The following PTK7 variants were observed in gnomAD, a reference collection of about 807,000 sequenced individuals.
PTK7 encodes the protein protein tyrosine kinase 7 (inactive), also known as inactive tyrosine-protein kinase 7.
In PTK7, 39 loss-of-function variants were observed where a neutral mutation model predicts 116.6. The observed-to-expected ratio is 0.33, with a 90% CI of 0.26 to 0.44. PTK7 has a LOEUF of 0.44. PTK7 is among the 20% of genes least tolerant of loss of function. The pLI is 1.00. For missense variants in PTK7, 1,169 were observed against 1,425.6 expected (o/e 0.82, Z 2.90); for synonymous variants, 546 against 563.6 (o/e 0.97, Z 0.44).
intron 1 of PTK7, among the ~76,000 whole-genome samples, chr6:43,103,932 C>T (rs1413045711): frequency 2.6e-5 from 4 of 152,160 alleles, no homozygotes; most frequent in African/African-American, 7.2e-5. Context: ...AGTCTGCACC[C>T]GGGGTGAAAA....
chr6:43,160,986 GC>G lies in PTK7; in HGVS notation c.*108del. ...TGTCCTCCTGGGCCCTGAGGCCCCT[GC>G]CCTAGTGCAACAGGCATTGCTGAGG... On this transcript the variant is annotated 3_prime_UTR_variant, in exon 20 of 20. Transcript: ENST00000230419. The G allele has an allele frequency of 7.0e-7, 1 of 1,423,592 alleles. No individual in the cohort carries two copies. Among genetic ancestry groups the G allele is most frequent in the South Asian group, 1.4e-5 (1 of 73,544 alleles). 88.2% of individuals were successfully genotyped at this position (1,423,592 alleles called of 1,614,324 possible).
At chr6:43,087,348 A>G (rs1293489116) in intron 1 of PTK7, among the ~76,000 whole-genome samples, 1 of 152,168 alleles carries the variant, frequency 6.6e-6, no homozygotes, top group Non-Finnish European at 1.5e-5. Flanking sequence ...TGGGCCGCAG[A>G]GTTTATTTCA....
In PTK7 at chr6:43,144,467, C is replaced by CTT; in HGVS notation, c.2268_2269insTT (p.Gly757LeufsTer14). The CTT allele has an allele frequency of 6.2e-7, 1 of 1,614,102 alleles. No individual in the cohort carries two copies. The highest frequency in any genetic ancestry group is 1.3e-5 in the African/African-American group (1 of 75,042). On this transcript the variant is annotated frameshift_variant, in exon 15 of 20. Transcript: ENST00000230419. LOFTEE classifies it high-confidence loss of function. ...CCTTCCCAGGTGGGCCTTTGCAGAA[C>CTT]GGGCAGCCCTCAGCAGAGATCCAAG...
chr6:43,094,233 C>G (rs1320927856), intron 1 of PTK7, among the ~76,000 whole-genome samples: 2 of 152,184 alleles, frequency 1.3e-5, no homozygotes, highest in African/African-American at 4.8e-5. Context: ...GCTTTCATTT[C>G]AATTTAGTTG....
intron 1 of PTK7, among the ~76,000 whole-genome samples, chr6:43,110,937 C>T (rs1398080165): frequency 2.0e-5 from 3 of 152,180 alleles, no homozygotes; most frequent in African/African-American, 7.2e-5. Flanking sequence ...TAATAGTGAT[C>T]TCTAGGCATT....
At chr6:43,128,310 G>T (rs1769421475) in intron 1 of PTK7, among the ~76,000 whole-genome samples, 1 of 152,158 alleles carries the variant, frequency 6.6e-6, no homozygotes, top group Non-Finnish European at 1.5e-5. Context: ...AAGCCTCCCT[G>T]TGCAGCCAGC....
chr6:43,158,730 G>A, intron 17 of PTK7, 87 bp from the exon 18 acceptor site: 2 of 1,425,798 alleles, frequency 1.4e-6, no homozygotes, highest in Non-Finnish European at 1.9e-6. Flanking sequence ...CACCAATAGT[G>A]TTGAAACGCT....
At chr6:43,096,747 C>T (rs368696371) in intron 1 of PTK7, among the ~76,000 whole-genome samples, 8 of 152,354 alleles carry the variant, frequency 5.3e-5, no homozygotes, top group African/African-American at 1.4e-4. Flanking sequence ...AGCCTGCCTG[C>T]CTGTCCGGTA....
chr6:43,159,657 A>ATGTCTGT (rs1461141819), intron 18 of PTK7, 131 bp from the exon 19 acceptor site: 1 of 908,040 alleles, frequency 1.1e-6, no homozygotes, highest in Admixed American at 2.0e-5. Context: ...GCATGTGACC[A>ATGTCTGT]ATTTCTTGAT....
At chr6:43,096,098 C>T (rs960148118) in intron 1 of PTK7, among the ~76,000 whole-genome samples, 2 of 152,164 alleles carry the variant, frequency 1.3e-5, no homozygotes, top group Non-Finnish European at 2.9e-5. Flanking sequence ...CTGTGGGTCT[C>T]CCGCCAGCGG....
At position 43,145,289 on chromosome 6, in the gene PTK7, C is replaced by CAG. The variant is rs1190157764; in HGVS notation, c.2500_2501dup (p.Ser834ArgfsTer21). 1.2e-6 allele frequency: 2 copies of CAG among 1,614,022 alleles called. No homozygotes were observed. Among genetic ancestry groups the CAG allele is most frequent in the Non-Finnish European group, 1.7e-6 (2 of 1,179,938 alleles). On this transcript the variant is annotated frameshift_variant, in exon 16 of 20. Coordinates refer to ENST00000230419, the MANE Select transcript of PTK7 (RefSeq NM_002821.5). LOFTEE classifies it high-confidence loss of function. The surrounding 1 kb of genome is among the most constrained non-coding windows in gnomAD (Gnocchi z 4.8). ...GACCCTGGTACTTGTGAAGAGCCTG[C>CAG]AGAGCAAGGATGAGCAGCAGCAGCT...
intron 1 of PTK7, among the ~76,000 whole-genome samples, chr6:43,110,142 G>A (rs1158239435): frequency 2.0e-5 from 3 of 150,712 alleles, no homozygotes; most frequent in South Asian, 2.1e-4. Flanking sequence ...GATTACAGGC[G>A]CGCAACACCA....
intron 1 of PTK7, among the ~76,000 whole-genome samples, chr6:43,080,858 C>G (rs528396489): frequency 1.3e-5 from 2 of 152,094 alleles, no homozygotes; most frequent in Non-Finnish European, 2.9e-5. Context: ...AGGAGAATCA[C>G]TTGAACCCGG....
intron 1 of PTK7, among the ~76,000 whole-genome samples, chr6:43,094,724 C>T (rs550870998): frequency 1.3e-5 from 2 of 152,040 alleles, no homozygotes; most frequent in African/African-American, 4.8e-5. Context: ...GTCATCCGCC[C>T]GTCTCTGTCT....
rs1375263846 is a variant in PTK7 at position 43,143,320 on chromosome 6, T to A, written c.2048-97T>A. The A allele has an allele frequency of 1.6e-6, 2 of 1,253,010 alleles. No homozygotes were observed. The highest frequency in any genetic ancestry group is 3.0e-5 in the African/African-American group (2 of 66,420). 77.6% of individuals were successfully genotyped at this position (1,253,010 alleles called of 1,614,324 possible). A position where few individuals can be genotyped will look rare whatever the true frequency, so the allele number is the denominator to read the frequency against. On this transcript the variant is annotated intron_variant, in intron 13 of 19. Transcript: ENST00000230419. This position sits in a 1 kb window ranked among gnomAD's most constrained non-coding sequence, Gnocchi z 4.2. ...GTGGTGACCCTCCCGGGCCATCTGTTAAGTTGCCCTGTTGATGGGGTTGGG... is the reference window on the plus strand; with the variant it reads ...GTGGTGACCCTCCCGGGCCATCTGTAAAGTTGCCCTGTTGATGGGGTTGGG...
intron 17 of PTK7, among the ~76,000 whole-genome samples, chr6:43,157,735 A>G (rs1771598710): frequency 6.6e-6 from 1 of 151,718 alleles, no homozygotes; most frequent in South Asian, 2.1e-4. Context: ...ATATATATAT[A>G]TATTTTTTGA....
chr6:43,150,827 A>G (rs1771029390), intron 17 of PTK7, among the ~76,000 whole-genome samples: 1 of 97,362 alleles, frequency 1.0e-5, no homozygotes, highest in African/African-American at 4.4e-5. Context: ...CCCGAGACAG[A>G]GTCTCGCTCT....
chr6:43,106,213 C>T lies in PTK7; in HGVS notation c.80-22764C>T, dbSNP rs192726506. 7.0e-4 allele frequency among the ~76,000 whole-genome samples: 107 copies of T among 152,232 alleles called. 1 individual carries two copies. The highest frequency in any genetic ancestry group is 2.6e-3 in the Admixed American group (39 of 15,288). ...GCTTCCTTCTCCTCATCCTTTTAAC[C>T]CTGAGCATTCTGAATTACTCAGAGT... On this transcript the variant is annotated intron_variant, in intron 1 of 19. Transcript: ENST00000230419.
chr6:43,148,759 GGAT>G (rs1770870705), intron 17 of PTK7, among the ~76,000 whole-genome samples: 1 of 94,736 alleles, frequency 1.1e-5, no homozygotes, highest in Non-Finnish European at 1.9e-5. Context: ...TACATAGAGA[GGAT>G]GCTTTTAAAA....
Sources: allele counts gnomAD v4.1 joint callset (sites outside exome capture counted in the v4.1 genomes callset), GRCh38; gene constraint gnomAD v4.1.1; non-coding constraint Gnocchi (gnomAD v3.1); transcripts MANE v1.5; gene names NCBI Gene and HGNC (gene_info 2026-07-23, HGNC 2026-07-21).